The following SH3RF3 variants were observed in gnomAD, a reference collection of about 807,000 sequenced individuals.
SH3RF3 encodes SH3 domain containing ring finger 3.
In SH3RF3, 29 loss-of-function variants were observed where a neutral mutation model predicts 66.3. The ratio of observed to expected loss-of-function variants is 0.44; its 90% CI spans 0.33 to 0.60. SH3RF3 has a LOEUF of 0.60. SH3RF3 is among the 20% of genes least tolerant of loss of function. The pLI is 0.04. For missense variants in SH3RF3, 1,194 were observed against 1,190.9 expected (o/e 1.00, Z -0.04); for synonymous variants, 583 against 532.0 (o/e 1.10, Z -1.32).
At chr2:109,351,731 A>G (rs936457004) in intron 2 of SH3RF3, among the ~76,000 whole-genome samples, 4 of 152,180 alleles carry the variant, frequency 2.6e-5, no homozygotes, top group Non-Finnish European at 4.4e-5. Flanking sequence ...GGCTTGCCAT[A>G]TCAGCCCTAA....
At chr2:109,266,028 A>G (rs895611683) in intron 1 of SH3RF3, among the ~76,000 whole-genome samples, 2 of 151,370 alleles carry the variant, frequency 1.3e-5, no homozygotes, top group African/African-American at 4.9e-5. Context: ...TTGTGTATAT[A>G]TGTGTATTCG....
At chr2:109,360,054 T>G (rs565718763) in intron 2 of SH3RF3, among the ~76,000 whole-genome samples, 1 of 134,954 alleles carries the variant, frequency 7.4e-6, no homozygotes, top group South Asian at 2.6e-4. Flanking sequence ...TTCTGATGTT[T>G]CCTTGCACCA....
intron 1 of SH3RF3, among the ~76,000 whole-genome samples, chr2:109,282,175 T>G (rs10186109): frequency 0.65 from 98,169 of 151,890 alleles, 31,996 homozygotes; most frequent in East Asian, 0.86. Context: ...GCAGCTATTT[T>G]TCTTTTTATC....
chr2:109,481,454 C>T (rs188891871), intron 8 of SH3RF3, among the ~76,000 whole-genome samples: 4 of 152,324 alleles, frequency 2.6e-5, no homozygotes, highest in South Asian at 2.1e-4. Context: ...GGTATGTTCT[C>T]GGTGACTGGT....
chr2:109,162,850 C>G (rs1677521189), intron 1 of SH3RF3, among the ~76,000 whole-genome samples: 1 of 149,260 alleles, frequency 6.7e-6, no homozygotes. Context: ...CTTTTCTCAC[C>G]TTGGTATTGC....
chr2:109,364,323 A>G (rs1415607819), intron 2 of SH3RF3, among the ~76,000 whole-genome samples: 2 of 152,146 alleles, frequency 1.3e-5, no homozygotes, highest in African/African-American at 2.4e-5. Flanking sequence ...GATTGCTAAC[A>G]TTTCTTTTCT....
chr2:109,389,261 G>A (rs902465326), intron 3 of SH3RF3, among the ~76,000 whole-genome samples: 1 of 152,176 alleles, frequency 6.6e-6, no homozygotes, highest in African/African-American at 2.4e-5. Context: ...CGTGGGCCAG[G>A]CCCCGCTCCT....
intron 1 of SH3RF3, among the ~76,000 whole-genome samples, chr2:109,295,065 G>A (rs923980080): frequency 6.6e-6 from 1 of 152,218 alleles, no homozygotes; most frequent in Admixed American, 6.5e-5. Context: ...TGCCACTGTT[G>A]TCCATGTCAC....
At chr2:109,171,171 A>G (rs1186959051) in intron 1 of SH3RF3, among the ~76,000 whole-genome samples, 1 of 152,122 alleles carries the variant, frequency 6.6e-6, no homozygotes, top group East Asian at 1.9e-4. Context: ...ATATATGTAC[A>G]TTTTTTGGTT....
chr2:109,261,774 T>C (rs1029398558), intron 1 of SH3RF3, among the ~76,000 whole-genome samples: 12 of 152,232 alleles, frequency 7.9e-5, no homozygotes, highest in Non-Finnish European at 1.6e-4. Context: ...GTCATGGATT[T>C]ATACAGTGTT....
At chr2:109,144,312 G>A (rs1434734105) in intron 1 of SH3RF3, among the ~76,000 whole-genome samples, 2 of 152,162 alleles carry the variant, frequency 1.3e-5, no homozygotes, top group African/African-American at 4.8e-5. Flanking sequence ...TTATTTGTCT[G>A]TTATACCTCA....
intron 8 of SH3RF3, among the ~76,000 whole-genome samples, chr2:109,479,710 A>G (rs1678782955): frequency 6.6e-6 from 1 of 152,184 alleles, no homozygotes; most frequent in Non-Finnish European, 1.5e-5. Flanking sequence ...CATTTTCTTA[A>G]TGTTAGAAAG....
chr2:109,130,178 T>TG (rs1676655766), intron 1 of SH3RF3, 65 bp downstream of exon 1: 1 of 1,237,496 alleles, frequency 8.1e-7, no homozygotes. Context: ...TGCTTGGGCG[T>TG]GGGGGGCAGT....
At chr2:109,222,386 G>T (rs73952893) in intron 1 of SH3RF3, among the ~76,000 whole-genome samples, 1 of 152,220 alleles carries the variant, frequency 6.6e-6, no homozygotes, top group African/African-American at 2.4e-5. Flanking sequence ...TGAGGTGATG[G>T]ATATGCTAGT....
chr2:109,299,106 A>C (rs1348103165), intron 1 of SH3RF3, among the ~76,000 whole-genome samples: 1 of 152,084 alleles, frequency 6.6e-6, no homozygotes. Flanking sequence ...CCCCCAGGGC[A>C]TTTGCAGATG....
chr2:109,304,768 G>A (rs1229418901), intron 1 of SH3RF3, among the ~76,000 whole-genome samples: 1 of 152,202 alleles, frequency 6.6e-6, no homozygotes, highest in Non-Finnish European at 1.5e-5. Context: ...GTGGAGGAAA[G>A]GAGCAGGGAC....
At chr2:109,434,460 T>C (rs554937789) in intron 6 of SH3RF3, among the ~76,000 whole-genome samples, 13 of 152,330 alleles carry the variant, frequency 8.5e-5, no homozygotes, top group East Asian at 5.8e-4. Flanking sequence ...TTGCGTAGCA[T>C]TGGGACATCG....
chr2:109,355,094 C>T (rs1682921580), intron 2 of SH3RF3, among the ~76,000 whole-genome samples: 1 of 152,166 alleles, frequency 6.6e-6, no homozygotes, highest in African/African-American at 2.4e-5. Flanking sequence ...GAGCCACTGC[C>T]ATATGGTAAC....
intron 5 of SH3RF3, among the ~76,000 whole-genome samples, chr2:109,422,489 A>G (rs1252313567): frequency 6.6e-6 from 1 of 152,176 alleles, no homozygotes; most frequent in Non-Finnish European, 1.5e-5. Flanking sequence ...TGGATTCCCT[A>G]AGGGCTCAGT....
Sources: gnomAD v4.1 joint callset for allele counts (sites outside exome capture counted in the v4.1 genomes callset) on GRCh38, gnomAD v4.1.1 for gene constraint, MANE v1.5 for transcripts, NCBI Gene and HGNC (gene_info 2026-07-23, HGNC 2026-07-21) for gene names.